KDM4C: variants seen among roughly 807,000 people sequenced by gnomAD.
The protein encoded by KDM4C is lysine-specific demethylase 4C.
Under a neutral mutation model 129.3 loss-of-function variants are expected in KDM4C, and 81 were observed. The ratio of observed to expected loss-of-function variants is 0.63; its 90% CI spans 0.52 to 0.75. KDM4C has a LOEUF of 0.75. KDM4C is among the 30% of genes least tolerant of loss of function. The pLI, the probability that KDM4C is intolerant of heterozygous loss-of-function variation, is 0.00. For synonymous variants in KDM4C, 573 were observed against 456.1 expected (o/e 1.26, Z -3.26); for missense variants, 1,457 against 1,304.0 (o/e 1.12, Z -1.81).
rs1201229184 is a variant in KDM4C, at chr9:7,175,354, T to C, written c.*625T>C. ...TCTGATGGGAACTGAGTTGTTGGCC[T>C]TTGTGAAATGAAATTTTTGGCTCTT... On this transcript the variant is annotated 3_prime_UTR_variant, in exon 22 of 22. Coordinates refer to ENST00000381309, the MANE Select transcript of KDM4C (RefSeq NM_015061.6). 1 of 152,686 alleles carries C rather than the reference T, an allele frequency of 6.5e-6. No individual in the cohort carries two copies. The highest frequency in any genetic ancestry group is 1.5e-5 in the Non-Finnish European group (1 of 68,042). 9.5% of individuals were successfully genotyped at this position (152,686 alleles called of 1,614,324 possible).
At chr9:6,896,227 TAA>T (rs768965944) in intron 8 of KDM4C, among the ~76,000 whole-genome samples, 2 of 152,188 alleles carry the variant, frequency 1.3e-5, no homozygotes, top group Non-Finnish European at 2.9e-5. Flanking sequence ...ATGGTAACTA[TAA>T]AAAAGTCATT....
chr9:6,956,149 CA>C (rs902385066), intron 8 of KDM4C, among the ~76,000 whole-genome samples: 2 of 151,804 alleles, frequency 1.3e-5, no homozygotes, highest in Non-Finnish European at 2.9e-5. Flanking sequence ...TTAATGGGTA[CA>C]AAAAAATAGA....
Position 6,739,261 on chromosome 9 carries a change from T to C in KDM4C, c.49+18264T>C, listed in dbSNP as rs146348211. 9.6e-3 allele frequency among the ~76,000 whole-genome samples: 1,440 copies of C among 150,668 alleles called. 21 individuals carry two copies. Among genetic ancestry groups the C allele is most frequent in the African/African-American group, 0.033 (1,371 of 40,998 alleles). ...CTAATTTTTGTATTTTTAGTAGATATGGGGTTTCACCATGTTGGCCAGGCT... is the reference window on the plus strand; with the variant it reads ...CTAATTTTTGTATTTTTAGTAGATACGGGGTTTCACCATGTTGGCCAGGCT... On this transcript the variant is annotated intron_variant, in intron 1 of 17. Coordinates refer to the KDM4C transcript ENST00000536108.
At chr9:7,022,180 T>G (rs1254129150) in intron 15 of KDM4C, among the ~76,000 whole-genome samples, 1 of 152,218 alleles carries the variant, frequency 6.6e-6, no homozygotes, top group Non-Finnish European at 1.5e-5. Flanking sequence ...TTTTTTCTAT[T>G]TCTGTGAAGA....
intron 1 of KDM4C, among the ~76,000 whole-genome samples, chr9:6,787,751 C>G (rs536480848): frequency 6.6e-6 from 1 of 152,310 alleles, no homozygotes; most frequent in Non-Finnish European, 1.5e-5. Context: ...ACACAAGAGC[C>G]AGAATGTGAT....
At chr9:6,845,871 G>A (rs1433480309) in intron 4 of KDM4C, among the ~76,000 whole-genome samples, 1 of 152,236 alleles carries the variant, frequency 6.6e-6, no homozygotes, top group Non-Finnish European at 1.5e-5. Context: ...ACTTTTGTCT[G>A]TGAACTTGGG....
chr9:6,920,437 C>T (rs111852206), intron 8 of KDM4C, among the ~76,000 whole-genome samples: 11,861 of 152,084 alleles, frequency 0.078, 1,274 homozygotes, highest in African/African-American at 0.24. Context: ...GTGGTGGGCA[C>T]CTGTAATCCC....
chr9:6,766,450 G>A (rs559800957), intron 1 of KDM4C, among the ~76,000 whole-genome samples: 1 of 152,154 alleles, frequency 6.6e-6, no homozygotes, highest in East Asian at 1.9e-4. Flanking sequence ...ACTTAGGACA[G>A]TTGGCCCCCT....
chr9:6,742,955 G>A (rs1002941414), intron 1 of KDM4C, among the ~76,000 whole-genome samples: 2 of 152,040 alleles, frequency 1.3e-5, no homozygotes, highest in Admixed American at 1.3e-4. Context: ...AAGTTGCAGT[G>A]AGCCAAGATT....
chr9:6,926,341 T>TA (rs33974740), intron 8 of KDM4C, among the ~76,000 whole-genome samples: 32,593 of 107,584 alleles, frequency 0.3, 5,704 homozygotes, highest in South Asian at 0.42. Context: ...AGATAATTTG[T>TA]AAAAAAAAAA....
chr9:7,165,951 A>G (rs957506102), intron 20 of KDM4C, among the ~76,000 whole-genome samples: 25 of 152,250 alleles, frequency 1.6e-4, no homozygotes, highest in African/African-American at 5.8e-4. Context: ...TAAAGAGTAT[A>G]TATACAATTT....
At position 6,952,873 on chromosome 9, in the gene KDM4C, G is replaced by A. The variant is rs978021409; in HGVS notation, c.922-28052G>A. Among the ~76,000 whole-genome samples the A allele has an allele frequency of 2.0e-5, 3 of 152,166 alleles. No individual in the cohort carries two copies. In the South Asian group the frequency reaches 6.2e-4, roughly 31 times the overall value. On this transcript the variant is annotated intron_variant, in intron 8 of 21. Coordinates refer to ENST00000381309, the MANE Select transcript of KDM4C (RefSeq NM_015061.6). The stretch of plus-strand genomic sequence containing the variant: ...AGTGGTTGTTATTTTCTTTATGATA[G>A]TCCTTGTTACTCAACATTTGTACAG...
At chr9:7,035,476 AGCTTTTTCGC>A (rs1827482504) in intron 15 of KDM4C, among the ~76,000 whole-genome samples, 1 of 151,048 alleles carries the variant, frequency 6.6e-6, no homozygotes, top group Non-Finnish European at 1.5e-5. Flanking sequence ...GCTGTGCAGA[AGCTTTTTCGC>A]TTGATATATC....
chr9:6,921,746 C>A (rs1821555522), intron 8 of KDM4C, among the ~76,000 whole-genome samples: 1 of 152,128 alleles, frequency 6.6e-6, no homozygotes, highest in African/African-American at 2.4e-5. Context: ...AATATGCTTA[C>A]CATGGTGAGC....
chr9:7,091,797 G>A (rs761640166), intron 17 of KDM4C, among the ~76,000 whole-genome samples: 6 of 149,936 alleles, frequency 4.0e-5, no homozygotes, highest in Non-Finnish European at 8.8e-5. Flanking sequence ...GGAAGACATG[G>A]GCAGGAAAAG....
At chr9:7,085,769 G>A (rs913807914) in intron 17 of KDM4C, among the ~76,000 whole-genome samples, 3 of 152,160 alleles carry the variant, frequency 2.0e-5, no homozygotes, top group African/African-American at 7.2e-5. Flanking sequence ...CTGGGCCTAT[G>A]CGTTAACCCC....
rs570569907 is a variant in KDM4C at position 6,931,203 on chromosome 9, T to G, written c.921+37971T>G. 9.2e-5 allele frequency among the ~76,000 whole-genome samples: 14 copies of G among 151,900 alleles called. No homozygotes were observed. In the East Asian group the frequency reaches 2.7e-3, roughly 29 times the overall value. ...ATGCATTGCTGGATACTCCCCTTGT[T>G]TTTCTATCTGGAGCCCCCCAGTGTG... On this transcript the variant is annotated intron_variant, in intron 8 of 21. Transcript: ENST00000381309.
intron 3 of KDM4C, among the ~76,000 whole-genome samples, chr9:6,810,132 T>C (rs1830876230): frequency 6.6e-6 from 1 of 152,260 alleles, no homozygotes; most frequent in Admixed American, 6.5e-5. Context: ...AAAGAAACTT[T>C]GATCATCCTC....
chr9:6,955,634 C>T (rs767206326), intron 8 of KDM4C, among the ~76,000 whole-genome samples: 63 of 152,096 alleles, frequency 4.1e-4, no homozygotes, highest in Non-Finnish European at 7.4e-4. Context: ...TGGCTTTTAA[C>T]GTTTGGCGCT....
Sources: gnomAD v4.1 joint callset for allele counts (sites outside exome capture counted in the v4.1 genomes callset) on GRCh38, gnomAD v4.1.1 for gene constraint, MANE v1.5 for transcripts, NCBI Gene and HGNC (gene_info 2026-07-23, HGNC 2026-07-21) for gene names.